The following RBPJ variants were observed in gnomAD, a reference collection of about 807,000 sequenced individuals.
The protein encoded by RBPJ is recombination signal binding protein for immunoglobulin kappa J region, also known as recombining binding protein suppressor of hairless.
RBPJ carries 9 observed loss-of-function variants against 67.8 expected under a neutral mutation model. The ratio of observed to expected loss-of-function variants is 0.13; its 90% CI spans 0.08 to 0.23. The LOEUF (loss-of-function observed/expected upper bound fraction) is 0.23, where lower values mean the gene tolerates loss of function less well. RBPJ is among the 10% of genes least tolerant of loss of function. The pLI, the probability that RBPJ is intolerant of heterozygous loss-of-function variation, is 1.00. For missense variants in RBPJ, 305 were observed against 595.6 expected (o/e 0.51, Z 5.08); for synonymous variants, 198 against 203.3 (o/e 0.97, Z 0.22).
rs1429269663 is a variant in RBPJ at position 26,203,720 on chromosome 4, C to T, written c.-167+40106C>T. On this transcript the variant is annotated intron_variant, in intron 1 of 4. Transcript: ENST00000512351. ...GCAGACCCACCATACCCCCAACATG[C>T]TTTCATCTCAACAAAGTGAGGAGGT... Among the ~76,000 whole-genome samples the T allele has an allele frequency of 2.6e-5, 4 of 152,242 alleles. No homozygotes were observed. In the South Asian group the frequency reaches 6.2e-4, roughly 24 times the overall value.
chr4:26,113,803 A>C, the RBPJ span: 72 of 241,010 alleles, frequency 3.0e-4, 1 homozygote, highest in Non-Finnish European at 1.2e-4. Flanking sequence ...AACATCAGAG[A>C]ATTCACACAA....
chr4:26,405,061 G>T (rs542302045), intron 2 of RBPJ, among the ~76,000 whole-genome samples: 1 of 152,242 alleles, frequency 6.6e-6, no homozygotes, highest in East Asian at 1.9e-4. Context: ...GCCCTGCCTT[G>T]GAGCTAACAG....
intron 1 of RBPJ, among the ~76,000 whole-genome samples, chr4:26,366,678 C>A (rs1203931354): frequency 6.6e-6 from 1 of 151,994 alleles, no homozygotes; most frequent in East Asian, 1.9e-4. Flanking sequence ...CCTCGGCTTC[C>A]CAAAGTGCTG....
At chr4:26,400,578 A>G (rs1415867701) in intron 2 of RBPJ, among the ~76,000 whole-genome samples, 1 of 152,234 alleles carries the variant, frequency 6.6e-6, no homozygotes, top group East Asian at 1.9e-4. Context: ...CAGAAAGTCA[A>G]TGATCAAGCT....
the RBPJ span, among the ~76,000 whole-genome samples, chr4:26,157,931 A>G: frequency 1.3e-5 from 2 of 152,212 alleles, no homozygotes; most frequent in Admixed American, 1.3e-4. Flanking sequence ...TCTAGCCTCA[A>G]TTGAGCTACC....
chr4:26,307,651 A>G (rs1722281347), intron 1 of RBPJ, among the ~76,000 whole-genome samples: 1 of 152,246 alleles, frequency 6.6e-6, no homozygotes, highest in South Asian at 2.1e-4. Flanking sequence ...CCCAGACGAT[A>G]GTTTATAACT....
At chr4:26,333,398 A>G (rs1474359130) in intron 1 of RBPJ, among the ~76,000 whole-genome samples, 3 of 152,198 alleles carry the variant, frequency 2.0e-5, no homozygotes, top group East Asian at 1.9e-4. Flanking sequence ...TGGTATCTCT[A>G]TCTATTAGAT....
intron 1 of RBPJ, among the ~76,000 whole-genome samples, chr4:26,277,439 CCT>C (rs1297352289): frequency 6.6e-6 from 1 of 152,246 alleles, no homozygotes; most frequent in Non-Finnish European, 1.5e-5. Flanking sequence ...CAGATACAAG[CCT>C]CTCTCTTCTC....
upstream of RBPJ, chr4:26,319,721 GCGCAGTGC>G: frequency 1.3e-6 from 1 of 744,638 alleles, no homozygotes. Context: ...TTGGGTACAT[GCGCAGTGC>G]CGCTCGCGCG....
intron 1 of RBPJ, among the ~76,000 whole-genome samples, chr4:26,197,144 C>G (rs540198642): frequency 6.6e-6 from 1 of 152,236 alleles, no homozygotes; most frequent in Admixed American, 6.5e-5. Flanking sequence ...TGGAGTATAG[C>G]TGGATCAAGT....
chr4:26,385,654 C>A (rs1730836323), intron 1 of RBPJ, among the ~76,000 whole-genome samples: 1 of 152,144 alleles, frequency 6.6e-6, no homozygotes, highest in Non-Finnish European at 1.5e-5. Flanking sequence ...TAGTTAAAAT[C>A]TGGGAAGTCT....
chr4:26,380,292 A>T (rs1730182277), intron 1 of RBPJ, among the ~76,000 whole-genome samples: 1 of 152,158 alleles, frequency 6.6e-6, no homozygotes, highest in Non-Finnish European at 1.5e-5. Flanking sequence ...GTGAAGCTAC[A>T]TCGTTGTTCA....
At position 26,244,171 on chromosome 4, in the gene RBPJ, A is replaced by G. The variant is rs376380352; in HGVS notation, c.-167+80557A>G. On this transcript the variant is annotated intron_variant, in intron 1 of 4. Coordinates refer to the RBPJ transcript ENST00000512351. The stretch of plus-strand genomic sequence containing the variant: ...TACACATATATGTATATATATATGT[A>G]TACACATATATGTATACATATATGT... Among the ~76,000 whole-genome samples the G allele has an allele frequency of 3.4e-4, 50 of 145,876 alleles. 1 individual carries two copies. Among genetic ancestry groups the G allele is most frequent in the Admixed American group, 7.8e-4 (11 of 14,142 alleles).
chr4:26,376,874 G>A (rs1364841976), intron 1 of RBPJ, among the ~76,000 whole-genome samples: 1 of 152,236 alleles, frequency 6.6e-6, no homozygotes, highest in Non-Finnish European at 1.5e-5. Context: ...GTTTTGATTT[G>A]CATTTCCCTA....
chr4:26,401,887 CTTTTT>C (rs58935903), intron 2 of RBPJ, among the ~76,000 whole-genome samples: 3 of 129,716 alleles, frequency 2.3e-5, no homozygotes, highest in African/African-American at 2.9e-5. Context: ...TTCTTTCTTT[CTTTTT>C]TTTTTTTTTT....
intron 5 of RBPJ, among the ~76,000 whole-genome samples, chr4:26,422,160 A>G (rs1173845156): frequency 6.6e-6 from 1 of 151,842 alleles, no homozygotes; most frequent in Non-Finnish European, 1.5e-5. Context: ...CTGATTGGTA[A>G]GATATACATT....
intron 1 of RBPJ, among the ~76,000 whole-genome samples, chr4:26,289,095 TAAGA>T (rs1721574528): frequency 6.6e-6 from 1 of 150,668 alleles, no homozygotes; most frequent in South Asian, 2.1e-4. Context: ...ATAAAATGTT[TAAGA>T]AAGAAAGAGG....
intron 1 of RBPJ, among the ~76,000 whole-genome samples, chr4:26,282,299 C>T (rs1721302045): frequency 6.6e-6 from 1 of 151,756 alleles, no homozygotes. Flanking sequence ...AAAGTGCCAA[C>T]ACCATGTCAA....
intron 1 of RBPJ, among the ~76,000 whole-genome samples, chr4:26,352,668 A>G (rs752457951): frequency 6.6e-6 from 1 of 152,252 alleles, no homozygotes; most frequent in Non-Finnish European, 1.5e-5. Flanking sequence ...GCACCATTGC[A>G]CTTCGGCCTG....
Sources: allele counts gnomAD v4.1 joint callset (sites outside exome capture counted in the v4.1 genomes callset), GRCh38; gene constraint gnomAD v4.1.1; transcripts MANE v1.5; gene names NCBI Gene and HGNC (gene_info 2026-07-23, HGNC 2026-07-21).